The following THSD7B variants were observed in gnomAD, a reference collection of about 807,000 sequenced individuals.
THSD7B encodes the protein thrombospondin type 1 domain containing 7B, also known as thrombospondin type-1 domain-containing protein 7B.
THSD7B carries 138 observed loss-of-function variants against 213.6 expected under a neutral mutation model. That is an observed-to-expected ratio of 0.65 (90% CI 0.56 to 0.74). The LOEUF (loss-of-function observed/expected upper bound fraction) is 0.74. THSD7B is among the 30% of genes least tolerant of loss of function. The pLI is 0.00. For missense variants in THSD7B, 1,931 were observed against 1,991.5 expected (o/e 0.97, Z 0.58); for synonymous variants, 742 against 687.0 (o/e 1.08, Z -1.25).
At chr2:137,026,226 G>T (rs1243238659) in intron 2 of THSD7B, among the ~76,000 whole-genome samples, 1 of 152,174 alleles carries the variant, frequency 6.6e-6, no homozygotes, top group African/African-American at 2.4e-5. Flanking sequence ...CTTTGGGACA[G>T]GGAATATGAA....
chr2:137,287,357 G>A (rs892166604), intron 12 of THSD7B, among the ~76,000 whole-genome samples: 3 of 152,094 alleles, frequency 2.0e-5, no homozygotes, highest in Admixed American at 6.6e-5. Flanking sequence ...AAAAGGATGT[G>A]TTTTATAACA....
intron 4 of THSD7B, among the ~76,000 whole-genome samples, chr2:137,096,284 T>C (rs1573820467): frequency 1.3e-5 from 2 of 152,162 alleles, no homozygotes; most frequent in East Asian, 3.9e-4. Flanking sequence ...AAGAAAAAAA[T>C]AGTTTTCTGT....
intron 2 of THSD7B, among the ~76,000 whole-genome samples, chr2:137,017,590 A>T (rs1390539400): frequency 6.6e-6 from 1 of 152,152 alleles, no homozygotes. Context: ...CAGATGTAGA[A>T]ACAGACTGTC....
intron 2 of THSD7B, among the ~76,000 whole-genome samples, chr2:136,972,647 T>A (rs1685422049): frequency 1.3e-5 from 2 of 152,152 alleles, no homozygotes; most frequent in South Asian, 4.1e-4. Flanking sequence ...AGGGCGATCG[T>A]TGGTTCATTT....
At chr2:136,839,972 T>C (rs904683656) in intron 1 of THSD7B, among the ~76,000 whole-genome samples, 1 of 152,174 alleles carries the variant, frequency 6.6e-6, no homozygotes, top group African/African-American at 2.4e-5. Flanking sequence ...TGTCTGGGGA[T>C]ATTAAGTTGG....
chr2:137,420,160 C>T (rs1014090879), intron 14 of THSD7B, among the ~76,000 whole-genome samples: 2 of 152,026 alleles, frequency 1.3e-5, no homozygotes, highest in Admixed American at 6.6e-5. Flanking sequence ...GAGATGATAT[C>T]TACCGTGGTT....
chr2:136,803,459 A>G (rs962182605), intron 1 of THSD7B, among the ~76,000 whole-genome samples: 4 of 152,192 alleles, frequency 2.6e-5, no homozygotes, highest in Non-Finnish European at 5.9e-5. Flanking sequence ...TTTACGTGGA[A>G]CTATGTGTAG....
chr2:137,049,734 C>T (rs1428263634), intron 2 of THSD7B, among the ~76,000 whole-genome samples: 2 of 152,046 alleles, frequency 1.3e-5, no homozygotes, highest in African/African-American at 4.8e-5. Context: ...GTGAAGGGAC[C>T]CTGGGAGCAG....
chr2:137,060,523 G>A (rs1457046210), intron 3 of THSD7B, among the ~76,000 whole-genome samples: 1 of 151,278 alleles, frequency 6.6e-6, no homozygotes, highest in Non-Finnish European at 1.5e-5. Flanking sequence ...TTCATTTTGA[G>A]GTTTTTTGGT....
At chr2:137,536,791 C>T (rs1007568924) in intron 15 of THSD7B, among the ~76,000 whole-genome samples, 4 of 151,318 alleles carry the variant, frequency 2.6e-5, no homozygotes, top group African/African-American at 9.7e-5. Flanking sequence ...CAGTATGTAC[C>T]CTGAGGAATG....
chr2:137,190,683 G>A (rs1680639846), intron 7 of THSD7B, among the ~76,000 whole-genome samples: 1 of 152,074 alleles, frequency 6.6e-6, no homozygotes, highest in Non-Finnish European at 1.5e-5. Context: ...ATCCCCTGGG[G>A]CTGGTTAAAG....
intron 1 of THSD7B, among the ~76,000 whole-genome samples, chr2:136,835,743 A>G (rs1348464083): frequency 6.6e-6 from 1 of 152,230 alleles, no homozygotes; most frequent in Admixed American, 6.5e-5. Context: ...ATTAATATAT[A>G]TTAGTCCTTT....
At chr2:137,554,914 G>C (rs750979157) in intron 15 of THSD7B, among the ~76,000 whole-genome samples, 1 of 152,150 alleles carries the variant, frequency 6.6e-6, no homozygotes, top group African/African-American at 2.4e-5. Flanking sequence ...ACCCAGGCTC[G>C]GAGGGTCCCA....
chr2:137,221,435 C>T (rs560478011), intron 7 of THSD7B, among the ~76,000 whole-genome samples: 63 of 152,180 alleles, frequency 4.1e-4, no homozygotes, highest in Non-Finnish European at 5.3e-4. Context: ...GTGCATTTGC[C>T]AGAACCCATA....
chr2:137,423,399 C>G (rs1165832333), intron 14 of THSD7B, among the ~76,000 whole-genome samples: 1 of 151,982 alleles, frequency 6.6e-6, no homozygotes, highest in African/African-American at 2.4e-5. Flanking sequence ...TACTAAGAAC[C>G]ACCCTCAGAA....
chr2:137,017,791 A>G (rs1231269252), intron 2 of THSD7B, among the ~76,000 whole-genome samples: 1 of 152,120 alleles, frequency 6.6e-6, no homozygotes, highest in Admixed American at 6.6e-5. Flanking sequence ...AGTTGCACAT[A>G]ATCATTTGTA....
At chr2:137,453,326 C>CTGTTT (rs560125337) in intron 15 of THSD7B, among the ~76,000 whole-genome samples, 5 of 96,844 alleles carry the variant, frequency 5.2e-5, no homozygotes, top group African/African-American at 2.1e-4. Flanking sequence ...TTGAAATTTA[C>CTGTTT]TTTTTTTTTT....
chr2:137,636,790 A>G (rs2104857097), intron 20 of THSD7B, among the ~76,000 whole-genome samples: 1 of 152,334 alleles, frequency 6.6e-6, no homozygotes, highest in South Asian at 2.1e-4. Flanking sequence ...ACTATTTCCA[A>G]CTAGAAACTT....
rs1220441867 is a variant in THSD7B, at chr2:137,228,204, T to TA, written c.1724-2839dup. ...ACTCCCACAGGAATTACAGGATGCTTATGACTATTAGTTTTGCTTCCCTAA... is the reference window on the plus strand; with the variant it reads ...ACTCCCACAGGAATTACAGGATGCTTAATGACTATTAGTTTTGCTTCCCTAA... On this transcript the variant is annotated intron_variant, in intron 7 of 27. Transcript: ENST00000409968. Among the ~76,000 whole-genome samples the TA allele has an allele frequency of 2.0e-5, 3 of 151,970 alleles. No homozygotes were observed. In the East Asian group the frequency reaches 5.8e-4, roughly 29 times the overall value.
Sources: allele counts gnomAD v4.1 joint callset (sites outside exome capture counted in the v4.1 genomes callset), GRCh38; gene constraint gnomAD v4.1.1; transcripts MANE v1.5; gene names NCBI Gene and HGNC (gene_info 2026-07-23, HGNC 2026-07-21).